Variants in CCSER1 observed in about 807,000 individuals in gnomAD.
CCSER1 encodes coiled-coil serine rich protein 1.
A neutral mutation model predicts 82.0 loss-of-function variants in CCSER1; 41 were observed. That is an observed-to-expected ratio of 0.50 (90% confidence interval 0.39 to 0.65). The LOEUF (loss-of-function observed/expected upper bound fraction) is 0.65. Ranked by LOEUF, CCSER1 falls within the 30% of genes least tolerant of loss-of-function variation. CCSER1 has a pLI of 0.00. For synonymous variants in CCSER1, 414 were observed against 383.9 expected, an observed-to-expected ratio of 1.08 and a Z score of -0.92; for missense variants, 1,119 against 1,064.2, an observed-to-expected ratio of 1.05 and a Z score of -0.72.
At chr4:90,886,827 A>C (rs1049482009) in intron 8 of CCSER1, among the ~76,000 whole-genome samples, 4 of 152,192 alleles carry the variant, frequency 2.6e-5, no homozygotes, top group Non-Finnish European at 4.4e-5. Context: ...TACTGAATTG[A>C]AAAAAGAAAA....
At chr4:91,521,396 G>A (rs1429343733) in intron 10 of CCSER1, among the ~76,000 whole-genome samples, 5 of 152,186 alleles carry the variant, frequency 3.3e-5, no homozygotes, top group African/African-American at 1.2e-4. Flanking sequence ...TATATACCCA[G>A]TAATGGGATC....
chr4:90,382,249 T>C (rs1749317902), intron 3 of CCSER1, among the ~76,000 whole-genome samples: 1 of 152,100 alleles, frequency 6.6e-6, no homozygotes, highest in Non-Finnish European at 1.5e-5. Context: ...ATCCTAATAA[T>C]ATTTTTTGTT....
At chr4:90,928,580 A>C (rs1195265768) in intron 9 of CCSER1, among the ~76,000 whole-genome samples, 3 of 152,240 alleles carry the variant, frequency 2.0e-5, no homozygotes, top group Non-Finnish European at 4.4e-5. Context: ...AAGCAATGTG[A>C]AAAATAAAAA....
chr4:91,065,171 G>T (rs1480234778), intron 9 of CCSER1, among the ~76,000 whole-genome samples: 2 of 152,104 alleles, frequency 1.3e-5, no homozygotes, highest in Non-Finnish European at 2.9e-5. Flanking sequence ...TAAGGAAAGA[G>T]AATGTGAGTT....
At chr4:90,169,406 A>G (rs1319228234) in intron 1 of CCSER1, among the ~76,000 whole-genome samples, 1 of 152,088 alleles carries the variant, frequency 6.6e-6, no homozygotes, top group African/African-American at 2.4e-5. Context: ...TAGGTATACA[A>G]TCATGTCATC....
chr4:90,790,310 A>T (rs1755063313), intron 7 of CCSER1, among the ~76,000 whole-genome samples: 1 of 152,176 alleles, frequency 6.6e-6, no homozygotes, highest in African/African-American at 2.4e-5. Flanking sequence ...AAAATTTATT[A>T]TTGATATACC....
In CCSER1 at chr4:90,581,866, G is replaced by T. The variant is rs1301244640; in HGVS notation, c.1725-46159G>T. On this transcript the variant is annotated intron_variant, in intron 5 of 10. Coordinates refer to ENST00000509176, the MANE Select transcript of CCSER1 (RefSeq NM_001145065.2). ...CAGTACAGAGCCTTGATTTTTAGAG[G>T]AAAGGAATGACTTTTTTTTTTTGTG... Among the ~76,000 whole-genome samples, 6 of 150,784 alleles carry T rather than the reference G, an allele frequency of 4.0e-5. 1 individual carries two copies. In the South Asian group the frequency reaches 1.3e-3, roughly 32 times the overall value.
At chr4:90,259,817 C>G (rs971494150) in intron 1 of CCSER1, among the ~76,000 whole-genome samples, 8 of 152,184 alleles carry the variant, frequency 5.3e-5, no homozygotes, top group Admixed American at 4.6e-4. Flanking sequence ...CTCATTTTGT[C>G]ATGATGTATT....
chr4:91,135,717 G>A (rs1049452551), intron 10 of CCSER1, among the ~76,000 whole-genome samples: 1 of 125,750 alleles, frequency 8.0e-6, no homozygotes, highest in African/African-American at 2.8e-5. Flanking sequence ...GAAAAGTTGG[G>A]TGAGAGAGAG....
chr4:90,815,100 C>T (rs1436332506), intron 7 of CCSER1, among the ~76,000 whole-genome samples: 4 of 152,060 alleles, frequency 2.6e-5, no homozygotes, highest in Non-Finnish European at 4.4e-5. Flanking sequence ...CTGGGGAAGC[C>T]TCAGGAAACT....
At chr4:91,462,581 C>T (rs1473564671) in intron 10 of CCSER1, among the ~76,000 whole-genome samples, 1 of 152,052 alleles carries the variant, frequency 6.6e-6, no homozygotes, top group Non-Finnish European at 1.5e-5. Context: ...CCGGGAAGTG[C>T]AAGGGGTCAA....
At chr4:91,433,769 T>C (rs889014904) in intron 10 of CCSER1, among the ~76,000 whole-genome samples, 4 of 152,304 alleles carry the variant, frequency 2.6e-5, no homozygotes, top group Middle Eastern at 3.4e-3. Context: ...TAACCACGTG[T>C]CTGTGTTGTT....
At chr4:90,268,939 A>G (rs940005295) in intron 1 of CCSER1, among the ~76,000 whole-genome samples, 3 of 152,174 alleles carry the variant, frequency 2.0e-5, no homozygotes, top group Admixed American at 1.3e-4. Context: ...AAAGACTACA[A>G]AAAGAGGCAA....
intron 9 of CCSER1, among the ~76,000 whole-genome samples, chr4:91,001,682 A>G (rs1738052566): frequency 6.6e-6 from 1 of 152,102 alleles, no homozygotes; most frequent in Admixed American, 6.5e-5. Flanking sequence ...AGCAACAGAT[A>G]GTTGGTTGGT....
chr4:90,474,026 A>G (rs1182838433), intron 5 of CCSER1, among the ~76,000 whole-genome samples: 2 of 152,156 alleles, frequency 1.3e-5, no homozygotes, highest in African/African-American at 4.8e-5. Context: ...CTATAGTTCC[A>G]GCTACTTGAG....
At chr4:91,048,994 C>T (rs1329322606) in intron 9 of CCSER1, among the ~76,000 whole-genome samples, 2 of 152,072 alleles carry the variant, frequency 1.3e-5, no homozygotes, top group Non-Finnish European at 2.9e-5. Context: ...GTCTGGGATA[C>T]TTAAGGCTTT....
At chr4:90,932,959 A>AG (rs1730153013) in intron 9 of CCSER1, among the ~76,000 whole-genome samples, 2 of 45,674 alleles carry the variant, frequency 4.4e-5, no homozygotes, top group South Asian at 1.1e-3. Context: ...AGAAAGAAAG[A>AG]AAGAAAGAAA....
intron 10 of CCSER1, among the ~76,000 whole-genome samples, chr4:91,127,501 A>C (rs974729749): frequency 3.9e-5 from 6 of 152,040 alleles, no homozygotes; most frequent in African/African-American, 1.4e-4. Context: ...TGCAGGCACA[A>C]ATTTGCATTT....
chr4:91,080,876 G>T (rs977442061), intron 9 of CCSER1, among the ~76,000 whole-genome samples: 1 of 150,746 alleles, frequency 6.6e-6, no homozygotes. Flanking sequence ...GGAAGAAGTT[G>T]AATCCCAATA....
Sources: allele counts gnomAD v4.1 joint callset (sites outside exome capture counted in the v4.1 genomes callset), GRCh38; gene constraint gnomAD v4.1.1; transcripts MANE v1.5; gene names NCBI Gene and HGNC (gene_info 2026-07-23, HGNC 2026-07-21).